The following CACNA1A variants were observed in gnomAD, a reference collection of about 807,000 sequenced individuals.
CACNA1A encodes the protein voltage-dependent P/Q-type calcium channel subunit alpha-1A.
A neutral mutation model predicts 262.4 loss-of-function variants in CACNA1A; 57 were observed. The ratio of observed to expected loss-of-function variants is 0.22; its 90% CI spans 0.18 to 0.27. The LOEUF is 0.27. Among genes scored for constraint, CACNA1A ranks in the 10% least tolerant of loss-of-function variants. The pLI is 1.00. For missense variants in CACNA1A, 2,526 were observed against 3,562.8 expected, an observed-to-expected ratio of 0.71 and a Z score of 7.41; for synonymous variants, 1,431 against 1,419.3, an observed-to-expected ratio of 1.01 and a Z score of -0.18.
chr19:13,243,373 G>A (rs1051806284), intron 31 of CACNA1A, among the ~76,000 whole-genome samples: 1 of 152,122 alleles, frequency 6.6e-6, no homozygotes, highest in Non-Finnish European at 1.5e-5. Flanking sequence ...CCTCTTTTGT[G>A]TAGTTCCCCA....
intron 3 of CACNA1A, among the ~76,000 whole-genome samples, chr19:13,409,009 T>C (rs1175508395): frequency 6.6e-6 from 1 of 152,206 alleles, no homozygotes; most frequent in Admixed American, 6.5e-5. Context: ...TTCGGCTTCG[T>C]GACATAGCCT....
rs969800034 is a variant in CACNA1A at position 13,236,189 on chromosome 19, C to T, written c.4951-459G>A. Among the ~76,000 whole-genome samples the T allele has an allele frequency of 2.0e-5, 3 of 146,768 alleles. No individual in the cohort carries two copies. The highest frequency in any genetic ancestry group is 5.1e-5 in the African/African-American group (2 of 39,334). Reference sequence around the variant, plus strand: ...CGGTCAAGTTGCGGAATCTATCATACGTGTACGATGCACAAACACCAGGGC... The same window carrying T: ...CGGTCAAGTTGCGGAATCTATCATATGTGTACGATGCACAAACACCAGGGC... On this transcript the variant is annotated intron_variant, in intron 31 of 46. Coordinates refer to ENST00000360228, the MANE Select transcript of CACNA1A (RefSeq NM_001127222.2). This position sits in a 1 kb window ranked among gnomAD's most constrained non-coding sequence, Gnocchi z 4.6.
intron 3 of CACNA1A, among the ~76,000 whole-genome samples, chr19:13,439,656 C>T (rs1403371885): frequency 1.3e-5 from 2 of 152,000 alleles, no homozygotes; most frequent in African/African-American, 2.4e-5. Context: ...CATGATCTGC[C>T]CGCCTCGGCC....
intron 6 of CACNA1A, among the ~76,000 whole-genome samples, chr19:13,346,218 T>C (rs1234883684): frequency 6.6e-6 from 1 of 151,284 alleles, no homozygotes; most frequent in African/African-American, 2.4e-5. Flanking sequence ...TGAAGTATTT[T>C]ATCATCTTCC....
intron 10 of CACNA1A, among the ~76,000 whole-genome samples, chr19:13,328,030 A>T (rs2058395425): frequency 6.6e-6 from 1 of 151,978 alleles, no homozygotes; most frequent in South Asian, 2.1e-4. Flanking sequence ...TCCTAAATAG[A>T]TGGGACTATA....
chr19:13,505,855 T>G, intron 1 of CACNA1A, 77 bp downstream of exon 1: 9 of 1,474,284 alleles, frequency 6.1e-6, no homozygotes, highest in Non-Finnish European at 8.4e-6. Flanking sequence ...CCCGGGTCTC[T>G]CTCCCAGCCT....
chr19:13,460,593 C>T (rs2061103298), intron 1 of CACNA1A, among the ~76,000 whole-genome samples: 1 of 152,134 alleles, frequency 6.6e-6, no homozygotes, highest in African/African-American at 2.4e-5. Flanking sequence ...AAACAAAGTC[C>T]TTCCAGCACC....
At chr19:13,220,114 A>T (rs963530202) in intron 38 of CACNA1A, among the ~76,000 whole-genome samples, 4 of 152,046 alleles carry the variant, frequency 2.6e-5, no homozygotes, top group African/African-American at 9.7e-5. Flanking sequence ...AAAAAAATTT[A>T]GCTGGGCGTG....
At position 13,382,208 on chromosome 19, in the gene CACNA1A, T is replaced by C. The variant is rs573932787; in HGVS notation, c.540-10429A>G. Among the ~76,000 whole-genome samples, 11 of 152,242 alleles carry C rather than the reference T, an allele frequency of 7.2e-5. 1 individual carries two copies. Among genetic ancestry groups the C allele is most frequent in the African/African-American group, 2.4e-4 (10 of 41,544 alleles). On this transcript the variant is annotated intron_variant, in intron 3 of 46. Transcript: ENST00000360228. Reference sequence around the variant, plus strand: ...GAGGCAGGGATGAAAGAGGGAATGATTACAGCCTGGGGACAGCATTATCGC... The same window carrying C: ...GAGGCAGGGATGAAAGAGGGAATGACTACAGCCTGGGGACAGCATTATCGC...
chr19:13,360,778 A>G (rs901406927), intron 5 of CACNA1A, among the ~76,000 whole-genome samples: 8 of 152,206 alleles, frequency 5.3e-5, no homozygotes, highest in African/African-American at 1.9e-4. Context: ...CACCCAGCCT[A>G]GAATATTTTT....
At chr19:13,505,702 A>AC (rs1186361854) in intron 1 of CACNA1A, among the ~76,000 whole-genome samples, 1 of 136,202 alleles carries the variant, frequency 7.3e-6, no homozygotes, top group Non-Finnish European at 1.6e-5. Context: ...TCCGCTGCCC[A>AC]CCCCCCAGCC....
intron 31 of CACNA1A, among the ~76,000 whole-genome samples, chr19:13,240,749 C>G (rs202115682): frequency 3.3e-5 from 5 of 149,998 alleles, no homozygotes; most frequent in South Asian, 2.1e-4. Flanking sequence ...CGTGCAGCGT[C>G]TGTGTGCAGT....
chr19:13,257,775 T>C (rs1348908749), intron 27 of CACNA1A: 5 of 360,772 alleles, frequency 1.4e-5, no homozygotes, highest in Non-Finnish European at 2.5e-5. Flanking sequence ...TTCGCTCTCG[T>C]TGCCCAGGCT....
chr19:13,218,703 G>A (rs1238827161), intron 38 of CACNA1A, among the ~76,000 whole-genome samples: 1 of 152,086 alleles, frequency 6.6e-6, no homozygotes, highest in African/African-American at 2.4e-5. Context: ...CTCAGCCTCT[G>A]GAGTAGCTGG....
chr19:13,377,572 A>C (rs1478736427), intron 3 of CACNA1A, among the ~76,000 whole-genome samples: 1 of 151,300 alleles, frequency 6.6e-6, no homozygotes, highest in Admixed American at 6.6e-5. Context: ...CATATTGACC[A>C]GGCTGGTCTT....
intron 3 of CACNA1A, among the ~76,000 whole-genome samples, chr19:13,392,193 A>G (rs1007363555): frequency 6.6e-6 from 1 of 152,086 alleles, no homozygotes; most frequent in African/African-American, 2.4e-5. Flanking sequence ...CCTGGTCAAC[A>G]AGAGTGAAAC....
At chr19:13,388,994 C>T (rs2059666819) in intron 3 of CACNA1A, among the ~76,000 whole-genome samples, 1 of 152,160 alleles carries the variant, frequency 6.6e-6, no homozygotes, top group East Asian at 1.9e-4. Context: ...CCTCTGCCTC[C>T]TGGGTTCAAG....
rs749548148 is a variant in CACNA1A at position 13,241,100 on chromosome 19, T to C, written c.4950+4082A>G. ...GAGAGCTGGAGGGGCGAGGAGACAGTTGGCAGCTTTCCTGGGGCCTGGGGT... is the reference window on the plus strand; with the variant it reads ...GAGAGCTGGAGGGGCGAGGAGACAGCTGGCAGCTTTCCTGGGGCCTGGGGT... On this transcript the variant is annotated intron_variant, in intron 31 of 46. Transcript: ENST00000360228. This position sits in a 1 kb window ranked among gnomAD's most constrained non-coding sequence, Gnocchi z 4.0. Among the ~76,000 whole-genome samples the C allele has an allele frequency of 1.3e-4, 19 of 151,982 alleles. No individual in the cohort carries two copies. Among genetic ancestry groups the C allele is most frequent in the Non-Finnish European group, 2.2e-4 (15 of 67,960 alleles).
chr19:13,215,702 C>T (rs936969753), intron 38 of CACNA1A, among the ~76,000 whole-genome samples: 9 of 151,372 alleles, frequency 5.9e-5, no homozygotes, highest in African/African-American at 9.7e-5. Context: ...CTGTTACCTC[C>T]GCCTCCCAGG....
Sources: gnomAD v4.1 joint callset for allele counts (sites outside exome capture counted in the v4.1 genomes callset) on GRCh38, gnomAD v4.1.1 for gene constraint, Gnocchi (gnomAD v3.1) non-coding constraint, MANE v1.5 for transcripts, NCBI Gene and HGNC (gene_info 2026-07-23, HGNC 2026-07-21) for gene names.